The following AXIN1 variants were observed in gnomAD, a reference collection of about 807,000 sequenced individuals.
The protein encoded by AXIN1 is axin 1.
A neutral mutation model predicts 76.4 loss-of-function variants in AXIN1; 30 were observed. That is an observed-to-expected ratio of 0.39 (90% CI 0.29 to 0.53). The LOEUF (loss-of-function observed/expected upper bound fraction) is 0.53, where lower values mean the gene tolerates loss of function less well. Ranked by LOEUF, AXIN1 falls within the 20% of genes least tolerant of loss-of-function variation. The probability of loss-of-function intolerance (pLI) is 0.66; values close to 1 mark genes in which losing one functional copy is unlikely to be tolerated. For synonymous variants in AXIN1, 545 were observed against 501.4 expected (o/e 1.09, Z -1.16); for missense variants, 1,140 against 1,198.8 (o/e 0.95, Z 0.72).
intron 2 of AXIN1, among the ~76,000 whole-genome samples, chr16:336,133 G>A (rs2053798758): frequency 6.6e-6 from 1 of 152,194 alleles, no homozygotes. Context: ...TACTCGGGAG[G>A]CCGAGGCAGA....
At position 289,660 on chromosome 16, in the gene AXIN1, G is replaced by C. The variant is rs1382869674; in HGVS notation, c.2295-53C>G. ...CTGGTTTTGGACTGAGGTCCCACAG[G>C]GTCCCTCCTGCTGGCCTCAGGCTGC... On this transcript the variant is annotated intron_variant, in intron 9 of 10. Transcript: ENST00000262320. 1.9e-6 allele frequency: 3 copies of C among 1,604,240 alleles called. No homozygotes were observed. The East Asian group carries it at 6.7e-5, about 36-fold the overall frequency.
chr16:317,732 T>A (rs1284963713), intron 2 of AXIN1, among the ~76,000 whole-genome samples: 1 of 152,236 alleles, frequency 6.6e-6, no homozygotes, highest in Non-Finnish European at 1.5e-5. Flanking sequence ...GCTTTAAGCA[T>A]CATGCAGTAT....
intron 2 of AXIN1, among the ~76,000 whole-genome samples, chr16:319,619 T>C (rs1391035268): frequency 2.0e-5 from 3 of 152,208 alleles, no homozygotes; most frequent in Non-Finnish European, 4.4e-5. Context: ...CAGGTGTTCA[T>C]GGATGGTGGA....
At chr16:310,240 C>G (rs751315416) in intron 3 of AXIN1, among the ~76,000 whole-genome samples, 171 bp from the exon 4 acceptor site, 4 of 152,194 alleles carry the variant, frequency 2.6e-5, no homozygotes, top group African/African-American at 7.2e-5. Flanking sequence ...CATGTGTGCA[C>G]AGGGGAACAT....
At chr16:344,769 G>A (rs1168720775) in intron 2 of AXIN1, among the ~76,000 whole-genome samples, 2 of 152,216 alleles carry the variant, frequency 1.3e-5, no homozygotes, top group South Asian at 2.1e-4. Flanking sequence ...GATTACAGGT[G>A]TGAGTCACTG....
At chr16:352,246 G>T in intron 1 of AXIN1, 123 bp downstream of exon 1, 1 of 567,510 alleles carries the variant, frequency 1.8e-6, no homozygotes, top group Non-Finnish European at 2.2e-6. Flanking sequence ...CCCGGCCCCA[G>T]CTCCCCGCGC....
At chr16:341,970 G>T (rs555190947) in intron 2 of AXIN1, among the ~76,000 whole-genome samples, 1 of 152,124 alleles carries the variant, frequency 6.6e-6, no homozygotes, top group African/African-American at 2.4e-5. Context: ...GATTGTAAAC[G>T]CACCAATCAG....
rs939115731 is a variant in AXIN1, at chr16:293,243, C to G, written c.2186+245G>C. Reference sequence around the variant, plus strand: ...GGCTCAGGTTGAGGAGGGACCCCGCCTCCAGAGCAATGAGCGCGGCGGCCT... The same window carrying G: ...GGCTCAGGTTGAGGAGGGACCCCGCGTCCAGAGCAATGAGCGCGGCGGCCT... On this transcript the variant is annotated intron_variant, in intron 8 of 10. Coordinates refer to ENST00000262320, the MANE Select transcript of AXIN1 (RefSeq NM_003502.4). The surrounding 1 kb of genome is among the most constrained non-coding windows in gnomAD (Gnocchi z 4.6). The G allele has an allele frequency of 1.7e-6, 1 of 576,096 alleles. No individual in the cohort carries two copies. The highest frequency in any genetic ancestry group is 3.1e-6 in the Non-Finnish European group (1 of 322,338). 35.7% of individuals were successfully genotyped at this position (576,096 alleles called of 1,614,324 possible). A position where few individuals can be genotyped will look rare whatever the true frequency, so the allele number is the denominator to read the frequency against.
Position 291,062 on chromosome 16 carries a change from C to T in AXIN1, c.2294+128G>A, listed in dbSNP as rs138726690. 62 of 872,338 alleles carry T rather than the reference C, an allele frequency of 7.1e-5. No individual in the cohort carries two copies. In the Middle Eastern group the frequency reaches 3.5e-3, roughly 49 times the overall value. The allele number at this position is 872,338 out of a possible 1,614,324, so 54.0% of individuals were successfully genotyped here. ...GAGTCTGATGCCACGGGACCCTCTC[C>T]TGCCACAGCTGCTTCTGAGCGTGGT... On this transcript the variant is annotated intron_variant, in intron 9 of 10. Transcript: ENST00000262320.
chr16:343,643 C>A (rs964872134), intron 2 of AXIN1, among the ~76,000 whole-genome samples: 4 of 150,178 alleles, frequency 2.7e-5, no homozygotes, highest in African/African-American at 9.8e-5. Flanking sequence ...GCAGAGGTTG[C>A]AGTGAGCTGA....
chr16:288,139 C>T lies in AXIN1; in HGVS notation c.2572G>A (p.Val858Met). The T allele has an allele frequency of 1.2e-6, 2 of 1,613,518 alleles. No homozygotes were observed. The highest frequency in any genetic ancestry group is 1.7e-6 in the Non-Finnish European group (2 of 1,180,012). ...CCAGCCTATCAGTCCACCTTCTCCA[C>T]TTTGCCGATGATCTTCTCCTCAAAG... ...PVFEEKIIGK[V>M]EKVD Residue 858 changes from valine (V) to methionine (M), a missense_variant, in exon 11 of 11, where the codon GTG becomes ATG. Val to Met is a conservative substitution (Grantham distance 21). Around this residue, in one of 3 missense-constraint regions of AXIN1, gnomAD observed 429 missense variants for 405.8 expected, o/e 1.06. Transcript: ENST00000262320.
chr16:308,092 C>T (rs1437494053), intron 4 of AXIN1, among the ~76,000 whole-genome samples: 9 of 152,194 alleles, frequency 5.9e-5, no homozygotes, highest in African/African-American at 2.4e-5. Flanking sequence ...CGGCCCCCAC[C>T]CCACCACACA....
chr16:314,473 G>A (rs1294108458), intron 3 of AXIN1, 70 bp downstream of exon 3: 5 of 1,604,376 alleles, frequency 3.1e-6, no homozygotes, highest in South Asian at 1.1e-5. Context: ...GTCCTCAAGG[G>A]ACAAGGTGTC....
chr16:293,188 A>C lies in AXIN1; in HGVS notation c.2186+300T>G, dbSNP rs985587620. The C allele has an allele frequency of 1.0e-5, 5 of 496,628 alleles. No individual in the cohort carries two copies. The highest frequency in any genetic ancestry group is 6.7e-5 in the Admixed American group (2 of 30,052). The allele number at this position is 496,628 out of a possible 1,614,324, so 30.8% of individuals were successfully genotyped here. A position where few individuals can be genotyped will look rare whatever the true frequency, so the allele number is the denominator to read the frequency against. On this transcript the variant is annotated intron_variant, in intron 8 of 10. Transcript: ENST00000262320. The surrounding 1 kb of genome is among the most constrained non-coding windows in gnomAD (Gnocchi z 4.6). ...GGCTGGGGACCGGCGTTCCCCACAC[A>C]CTGGGGCCCTGCAGCCTCCCTGCAG... is the stretch of plus-strand genomic sequence containing the variant.
chr16:309,255 G>A (rs952692560), intron 4 of AXIN1, among the ~76,000 whole-genome samples: 7 of 151,944 alleles, frequency 4.6e-5, no homozygotes, highest in East Asian at 3.9e-4. Context: ...ACGTGAACCC[G>A]GGAGGCAGAG....
At chr16:323,169 G>C (rs2053495970) in intron 2 of AXIN1, among the ~76,000 whole-genome samples, 1 of 152,214 alleles carries the variant, frequency 6.6e-6, no homozygotes, top group African/African-American at 2.4e-5. Flanking sequence ...GCCGGGCGCG[G>C]TGGCTCATGC....
intron 2 of AXIN1, among the ~76,000 whole-genome samples, chr16:336,497 G>T (rs2053805823): frequency 6.6e-6 from 1 of 152,116 alleles, no homozygotes; most frequent in Admixed American, 6.5e-5. Context: ...GCAAACGTGG[G>T]GCCCTGACCC....
chr16:309,293 CAAA>C (rs56239336), intron 4 of AXIN1, among the ~76,000 whole-genome samples: 2 of 146,270 alleles, frequency 1.4e-5, no homozygotes, highest in African/African-American at 2.5e-5. Context: ...ACTCCTATCT[CAAA>C]AAAAAAAAAA....
rs371284750 is a variant in AXIN1 at position 326,948 on chromosome 16, G to A, written c.879-12265C>T. On this transcript the variant is annotated intron_variant, in intron 2 of 10. Coordinates refer to ENST00000262320, the MANE Select transcript of AXIN1 (RefSeq NM_003502.4). Reference sequence around the variant, plus strand: ...GAGGTCAGGAGATGGAGACCATCCTGGCTAACACGGTGAAACCCCATCTCT... The same window carrying A: ...GAGGTCAGGAGATGGAGACCATCCTAGCTAACACGGTGAAACCCCATCTCT... 2.1e-4 allele frequency among the ~76,000 whole-genome samples: 31 copies of A among 150,632 alleles called. No homozygotes were observed. In the South Asian group the frequency reaches 5.0e-3, roughly 25 times the overall value.
Sources: gnomAD v4.1 joint callset for allele counts (sites outside exome capture counted in the v4.1 genomes callset) on GRCh38, gnomAD v4.1.1 for gene constraint, gnomAD v4.1.1 regional missense constraint, Gnocchi (gnomAD v3.1) non-coding constraint, MANE v1.5 for transcripts, NCBI Gene and HGNC (gene_info 2026-07-23, HGNC 2026-07-21) for gene names.